The following GPCPD1 variants were observed in gnomAD, a reference collection of about 807,000 sequenced individuals.
GPCPD1 encodes the protein glycerophosphocholine phosphodiesterase 1, also known as glycerophosphocholine phosphodiesterase GPCPD1.
Under a neutral mutation model 89.2 loss-of-function variants are expected in GPCPD1, and 29 were observed. That is an observed-to-expected ratio of 0.33 (90% CI 0.24 to 0.44). The LOEUF is 0.44. GPCPD1 is among the 20% of genes least tolerant of loss of function. GPCPD1 has a pLI of 1.00. For missense variants in GPCPD1, 594 were observed against 808.9 expected (o/e 0.73, Z 3.22); for synonymous variants, 258 against 266.3 (o/e 0.97, Z 0.30).
At chr20:5,593,034 T>G (rs1237894562) in intron 4 of GPCPD1, among the ~76,000 whole-genome samples, 1 of 152,208 alleles carries the variant, frequency 6.6e-6, no homozygotes, top group Non-Finnish European at 1.5e-5. Flanking sequence ...TGCAAGTGGT[T>G]CCTAACTAGT....
chr20:5,592,859 A>AAC, intron 4 of GPCPD1, among the ~76,000 whole-genome samples: 1 of 152,330 alleles, frequency 6.6e-6, no homozygotes, highest in African/African-American at 2.4e-5. Flanking sequence ...TCTTTGAAAA[A>AAC]ATCTAAAAGG....
Position 5,547,505 on chromosome 20 carries a change from A to G in GPCPD1, c.*156T>C. On this transcript the variant is annotated 3_prime_UTR_variant, in exon 20 of 20. Coordinates refer to ENST00000379019, the MANE Select transcript of GPCPD1 (RefSeq NM_019593.5). ...TACCTGGCCAAGTAATTTAAATAGC[A>G]TACTTGCAAGAACTGTAGTGAAAGA... 2.3e-6 allele frequency: 1 copy of G among 426,380 alleles called. No homozygotes were observed. The highest frequency in any genetic ancestry group is 4.2e-6 in the Non-Finnish European group (1 of 236,000). The allele number at this position is 426,380 out of a possible 1,614,324, so 26.4% of individuals were successfully genotyped here.
Position 5,561,656 on chromosome 20 carries a change from T to C in GPCPD1, c.1330-126A>G, listed in dbSNP as rs925873416. ...TCATTAGTAGCAATAAAATGTTTTG[T>C]GCATAATGCACAAACATATTTTGTC... On this transcript the variant is annotated intron_variant, in intron 15 of 19. Coordinates refer to ENST00000379019, the MANE Select transcript of GPCPD1 (RefSeq NM_019593.5). The C allele has an allele frequency of 3.2e-5, 18 of 565,230 alleles. No individual in the cohort carries two copies. In the South Asian group the frequency reaches 4.5e-4, roughly 14 times the overall value. 35.0% of individuals were successfully genotyped at this position (565,230 alleles called of 1,614,324 possible). A position where few individuals can be genotyped will look rare whatever the true frequency, so the allele number is the denominator to read the frequency against.
chr20:5,610,245 G>C (rs1392338646), intron 1 of GPCPD1, among the ~76,000 whole-genome samples: 1 of 152,172 alleles, frequency 6.6e-6, no homozygotes, highest in Non-Finnish European at 1.5e-5. Context: ...AGGGGCAGCA[G>C]ACCTAAAAAA....
intron 3 of GPCPD1, 88 bp from the exon 4 acceptor site, chr20:5,593,499 A>G: frequency 1.4e-6 from 1 of 733,846 alleles, no homozygotes; most frequent in South Asian, 1.5e-5. Flanking sequence ...CCTCAAATAA[A>G]ACGTATGACC....
chr20:5,595,940 T>C (rs1458848015), intron 3 of GPCPD1, among the ~76,000 whole-genome samples: 1 of 152,108 alleles, frequency 6.6e-6, no homozygotes, highest in Non-Finnish European at 1.5e-5. Context: ...CCCTCAGCCA[T>C]TATTTCTCAA....
At chr20:5,550,066 G>A (rs577826547) in intron 19 of GPCPD1, among the ~76,000 whole-genome samples, 3 of 151,754 alleles carry the variant, frequency 2.0e-5, no homozygotes, top group South Asian at 2.1e-4. Context: ...GGTGGCGTGC[G>A]CCTGTAGGCC....
At chr20:5,576,765 T>C (rs915773201) in intron 8 of GPCPD1, among the ~76,000 whole-genome samples, 8 of 152,204 alleles carry the variant, frequency 5.3e-5, no homozygotes, top group Non-Finnish European at 1.2e-4. Context: ...CCAAATACTA[T>C]ACTCACTTTG....
At chr20:5,576,062 G>GAC (rs1302531764) in intron 8 of GPCPD1, 84 bp from the exon 9 acceptor site, 8 of 501,974 alleles carry the variant, frequency 1.6e-5, no homozygotes, top group African/African-American at 6.2e-5. Context: ...CACACACACA[G>GAC]ACACACACAC....
chr20:5,588,881 A>AT (rs1979127773), intron 4 of GPCPD1, among the ~76,000 whole-genome samples: 1 of 152,198 alleles, frequency 6.6e-6, no homozygotes, highest in South Asian at 2.1e-4. Context: ...TATAATATTA[A>AT]ATGTCAAAAA....
At chr20:5,592,221 A>G (rs905942592) in intron 4 of GPCPD1, among the ~76,000 whole-genome samples, 8 of 152,176 alleles carry the variant, frequency 5.3e-5, no homozygotes, top group African/African-American at 1.4e-4. Flanking sequence ...TAAACTTTCC[A>G]TATCTATGAC....
intron 14 of GPCPD1, among the ~76,000 whole-genome samples, chr20:5,565,408 T>A (rs1050682715): frequency 4.6e-5 from 7 of 152,014 alleles, no homozygotes; most frequent in African/African-American, 1.7e-4. Context: ...ATTTTAAAAA[T>A]TTTTTTGTAG....
chr20:5,547,569 C>A lies in GPCPD1; in HGVS notation c.*92G>T, dbSNP rs570168844. On this transcript the variant is annotated 3_prime_UTR_variant, in exon 20 of 20. Coordinates refer to ENST00000379019, the MANE Select transcript of GPCPD1 (RefSeq NM_019593.5). ...TTATTGCTTCATTGAACTGAGAAGC[C>A]CAAAAGGCATAGATCAACAATGCTC... is the stretch of plus-strand genomic sequence containing the variant. 6.3e-6 allele frequency: 4 copies of A among 630,902 alleles called. No homozygotes were observed. The highest frequency in any genetic ancestry group is 5.2e-5 in the South Asian group (2 of 38,452). The allele number at this position is 630,902 out of a possible 1,614,324, so 39.1% of individuals were successfully genotyped here. A position where few individuals can be genotyped will look rare whatever the true frequency, so the allele number is the denominator to read the frequency against.
At chr20:5,548,585 G>C (rs2122513295) in intron 19 of GPCPD1, among the ~76,000 whole-genome samples, 1 of 152,272 alleles carries the variant, frequency 6.6e-6, no homozygotes, top group East Asian at 1.9e-4. Context: ...AAGGTATCAA[G>C]ACAGAACAGA....
rs534028357 is a variant in GPCPD1, at chr20:5,563,669, C to T, written c.1329+1348G>A. 5.5e-4 allele frequency among the ~76,000 whole-genome samples: 84 copies of T among 152,162 alleles called. 1 individual carries two copies. Among genetic ancestry groups the T allele is most frequent in the African/African-American group, 1.8e-3 (76 of 41,496 alleles). On this transcript the variant is annotated intron_variant, in intron 15 of 19. Coordinates refer to ENST00000379019, the MANE Select transcript of GPCPD1 (RefSeq NM_019593.5). ...GATTACAGGAATGAGCCACCATGTC[C>T]CGCCAAAAATGATGTTTTAAATGCA...
chr20:5,581,693 G>A (rs2122697508), intron 6 of GPCPD1, among the ~76,000 whole-genome samples: 1 of 152,020 alleles, frequency 6.6e-6, no homozygotes, highest in South Asian at 2.1e-4. Context: ...CAGAGAAGCT[G>A]TCAACTGTTT....
At chr20:5,610,772 G>A (rs1022650094) in intron 1 of GPCPD1, 70 bp downstream of exon 1, 2 of 149,638 alleles carry the variant, frequency 1.3e-5, no homozygotes, top group Non-Finnish European at 3.0e-5. Context: ...GCCGCGTCCC[G>A]GGCCGCCCTG....
chr20:5,600,469 A>T (rs1357312007), intron 2 of GPCPD1, among the ~76,000 whole-genome samples: 1 of 152,192 alleles, frequency 6.6e-6, no homozygotes, highest in Non-Finnish European at 1.5e-5. Context: ...TGGGTGGATC[A>T]CTTGAGGTCA....
At chr20:5,591,502 A>G (rs1979325495) in intron 4 of GPCPD1, among the ~76,000 whole-genome samples, 1 of 152,194 alleles carries the variant, frequency 6.6e-6, no homozygotes, top group Non-Finnish European at 1.5e-5. Context: ...ATTACCTCCT[A>G]AAACTTTCAA....
Sources: allele counts gnomAD v4.1 joint callset (sites outside exome capture counted in the v4.1 genomes callset), GRCh38; gene constraint gnomAD v4.1.1; transcripts MANE v1.5; gene names NCBI Gene and HGNC (gene_info 2026-07-23, HGNC 2026-07-21).